The following FHIT variants were observed in gnomAD, a reference collection of about 807,000 sequenced individuals.
The protein encoded by FHIT is bis(5'-adenosyl)-triphosphatase.
FHIT carries 19 observed loss-of-function variants against 17.9 expected under a neutral mutation model. The ratio of observed to expected loss-of-function variants is 1.06; its 90% CI spans 0.74 to 1.56. The LOEUF (loss-of-function observed/expected upper bound fraction) is 1.56, where lower values mean the gene tolerates loss of function less well. Among genes scored for constraint, FHIT ranks in the 40% most tolerant of loss-of-function variants. The pLI, the probability that FHIT is intolerant of heterozygous loss-of-function variation, is 0.00. For missense variants in FHIT, 248 were observed against 189.2 expected (o/e 1.31, Z -1.82); for synonymous variants, 81 against 69.7 (o/e 1.16, Z -0.81).
intron 5 of FHIT, among the ~76,000 whole-genome samples, chr3:60,452,864 A>G (rs2031838064): frequency 6.6e-6 from 1 of 152,212 alleles, no homozygotes; most frequent in Non-Finnish European, 1.5e-5. Context: ...AGGTACATTG[A>G]AAGTATGCAA....
chr3:60,124,345 T>A (rs2107236078), intron 5 of FHIT, among the ~76,000 whole-genome samples: 1 of 152,086 alleles, frequency 6.6e-6, no homozygotes, highest in East Asian at 1.9e-4. Flanking sequence ...CTAGCAAGTA[T>A]CTGCCCTAAA....
At chr3:61,100,223 C>A (rs1223127243) in intron 2 of FHIT, among the ~76,000 whole-genome samples, 4 of 152,104 alleles carry the variant, frequency 2.6e-5, no homozygotes, top group Non-Finnish European at 5.9e-5. Flanking sequence ...CCCACACCCC[C>A]CGACAGGACC....
intron 3 of FHIT, among the ~76,000 whole-genome samples, chr3:60,950,488 T>TG (rs11434661): frequency 0.027 from 4,015 of 150,738 alleles, 181 homozygotes; most frequent in African/African-American, 0.092. Flanking sequence ...TTTTTTTCTT[T>TG]TTTTTTTTTT....
At chr3:60,326,804 C>T (rs747392127) in intron 5 of FHIT, among the ~76,000 whole-genome samples, 39 of 152,348 alleles carry the variant, frequency 2.6e-4, no homozygotes, top group Admixed American at 1.0e-3. Context: ...CTGTGACCCA[C>T]ATCTCCCCAT....
At chr3:59,967,152 AG>A (rs1352481661) in intron 7 of FHIT, among the ~76,000 whole-genome samples, 3 of 152,124 alleles carry the variant, frequency 2.0e-5, no homozygotes, top group Non-Finnish European at 4.4e-5. Flanking sequence ...AAAGGCCTTC[AG>A]GGGCACTCAC....
chr3:60,968,446 C>G (rs1208070754), intron 3 of FHIT, among the ~76,000 whole-genome samples: 1 of 145,314 alleles, frequency 6.9e-6, no homozygotes, highest in Non-Finnish European at 1.5e-5. Flanking sequence ...GAGATGGAGT[C>G]TCACTCTGTC....
intron 5 of FHIT, among the ~76,000 whole-genome samples, chr3:60,205,346 C>T (rs1487436671): frequency 6.6e-6 from 1 of 152,040 alleles, no homozygotes; most frequent in Non-Finnish European, 1.5e-5. Context: ...TATAAATACA[C>T]GTATGTATTA....
intron 5 of FHIT, among the ~76,000 whole-genome samples, chr3:60,224,612 C>G (rs957364621): frequency 2.9e-4 from 44 of 152,296 alleles, no homozygotes; most frequent in African/African-American, 1.0e-3. Flanking sequence ...AAAGCATCCT[C>G]TTTTGGACAA....
intron 5 of FHIT, among the ~76,000 whole-genome samples, chr3:60,376,257 A>T (rs183219788): frequency 6.6e-6 from 1 of 152,346 alleles, no homozygotes; most frequent in Non-Finnish European, 1.5e-5. Flanking sequence ...CATAGTGTCT[A>T]TTCAAAGAGC....
At chr3:60,504,218 G>A (rs2034635109) in intron 5 of FHIT, among the ~76,000 whole-genome samples, 1 of 152,088 alleles carries the variant, frequency 6.6e-6, no homozygotes, top group South Asian at 2.1e-4. Context: ...GGCAGATCAT[G>A]AGGTCAGGAG....
At chr3:60,124,049 G>GAGGGAGAGAGACAGAGAGAC (rs1705421165) in intron 5 of FHIT, among the ~76,000 whole-genome samples, 10 of 109,472 alleles carry the variant, frequency 9.1e-5, no homozygotes, top group African/African-American at 3.9e-4. Flanking sequence ...GAGAGAGAGA[G>GAGGGAGAGAGACAGAGAGAC]AGAGAGACAG....
intron 5 of FHIT, among the ~76,000 whole-genome samples, chr3:60,258,084 ACACACACACACACACACC>A (rs1706101856): frequency 6.7e-6 from 1 of 148,502 alleles, no homozygotes; most frequent in Non-Finnish European, 1.5e-5. Flanking sequence ...ACACACACAC[ACACACACACACACACACC>A]TCTGCAGATT....
intron 5 of FHIT, among the ~76,000 whole-genome samples, chr3:60,277,697 C>T (rs1225083478): frequency 6.6e-6 from 1 of 152,142 alleles, no homozygotes; most frequent in Non-Finnish European, 1.5e-5. Context: ...TGCACTCTGC[C>T]ACAGGCTGGA....
At chr3:60,062,969 T>C (rs1409857534) in intron 5 of FHIT, among the ~76,000 whole-genome samples, 3 of 152,284 alleles carry the variant, frequency 2.0e-5, no homozygotes, top group East Asian at 3.9e-4. Context: ...AAGAGTCAAC[T>C]GAGGAGCAAG....
chr3:60,817,350 C>A lies in FHIT; in HGVS notation c.-18+4569G>T, dbSNP rs1396920668. The stretch of plus-strand genomic sequence containing the variant: ...CCTTCTTGAAGACTTAAGATTCCAT[C>A]TGGTGTTATCTCACTTTATAGCCTG... On this transcript the variant is annotated intron_variant, in intron 4 of 9. Transcript: ENST00000492590. 2.6e-5 allele frequency among the ~76,000 whole-genome samples: 4 copies of A among 152,032 alleles called. No individual in the cohort carries two copies. The East Asian group carries it at 7.7e-4, about 29-fold the overall frequency.
intron 3 of FHIT, among the ~76,000 whole-genome samples, chr3:61,041,491 A>G (rs549581527): frequency 1.6e-4 from 24 of 152,170 alleles, no homozygotes; most frequent in Non-Finnish European, 2.6e-4. Flanking sequence ...TCAATTAGCA[A>G]CACTATTTGA....
At chr3:60,572,549 G>GAC (rs921276284) in intron 4 of FHIT, among the ~76,000 whole-genome samples, 6 of 151,842 alleles carry the variant, frequency 4.0e-5, no homozygotes, top group Admixed American at 2.0e-4. Flanking sequence ...TACACACACA[G>GAC]ACACACACAC....
chr3:59,961,569 T>A lies in FHIT; in HGVS notation c.280-39155A>T, dbSNP rs577895622. The stretch of plus-strand genomic sequence containing the variant: ...GGCATCTGTGGGGAATCTCCTGGTC[T>A]GTGGGTTGTGAAGACCATGGGAAAA... On this transcript the variant is annotated intron_variant, in intron 7 of 9. Coordinates refer to ENST00000492590, the MANE Select transcript of FHIT (RefSeq NM_002012.4). Among the ~76,000 whole-genome samples, 4 of 152,236 alleles carry A rather than the reference T, an allele frequency of 2.6e-5. No homozygotes were observed. In the South Asian group the frequency reaches 8.3e-4, roughly 32 times the overall value.
chr3:61,224,299 G>C (rs911136575), intron 1 of FHIT, among the ~76,000 whole-genome samples: 2 of 152,184 alleles, frequency 1.3e-5, no homozygotes, highest in Non-Finnish European at 2.9e-5. Flanking sequence ...GTAGGGATTT[G>C]GTTCATGGGT....
Sources: allele counts gnomAD v4.1 joint callset (sites outside exome capture counted in the v4.1 genomes callset), GRCh38; gene constraint gnomAD v4.1.1; transcripts MANE v1.5; gene names NCBI Gene and HGNC (gene_info 2026-07-23, HGNC 2026-07-21).